The following CDC40 variants were observed in gnomAD, a reference collection of about 807,000 sequenced individuals.
CDC40 encodes pre-mRNA-processing factor 17.
In CDC40, 27 loss-of-function variants were observed where a neutral mutation model predicts 80.6. That is an observed-to-expected ratio of 0.33 (90% CI 0.25 to 0.46). CDC40 has a LOEUF of 0.46. CDC40 is among the 20% of genes least tolerant of loss of function. The pLI is 1.00. For synonymous variants in CDC40, 221 were observed against 232.6 expected (o/e 0.95, Z 0.45); for missense variants, 486 against 694.1 (o/e 0.70, Z 3.37).
intron 8 of CDC40, among the ~76,000 whole-genome samples, chr6:110,214,967 A>G (rs1484786700): frequency 6.6e-6 from 1 of 152,234 alleles, no homozygotes; most frequent in African/African-American, 2.4e-5. Flanking sequence ...TGTATGAAAT[A>G]GAAAAGAACA....
At chr6:110,208,339 C>G (rs184332263) in intron 4 of CDC40, among the ~76,000 whole-genome samples, 21 of 152,178 alleles carry the variant, frequency 1.4e-4, no homozygotes, top group African/African-American at 5.1e-4. Flanking sequence ...CTCTGCAAGT[C>G]CCATCTAAAG....
intron 2 of CDC40, among the ~76,000 whole-genome samples, chr6:110,194,563 C>T (rs1562200623): frequency 6.6e-6 from 1 of 152,156 alleles, no homozygotes; most frequent in South Asian, 2.1e-4. Flanking sequence ...TGCTCTGACA[C>T]GACGGCACAT....
intron 1 of CDC40, among the ~76,000 whole-genome samples, chr6:110,191,688 G>A (rs1226319994): frequency 6.6e-6 from 1 of 152,108 alleles, no homozygotes; most frequent in Non-Finnish European, 1.5e-5. Context: ...ATTGTTCCTT[G>A]GCCTATTCTA....
At chr6:110,181,392 A>G (rs1777188604) in intron 1 of CDC40, among the ~76,000 whole-genome samples, 1 of 152,196 alleles carries the variant, frequency 6.6e-6, no homozygotes, top group Non-Finnish European at 1.5e-5. Flanking sequence ...CTGGAGCCTG[A>G]TGAGAGCATC....
At chr6:110,228,167 C>T (rs940758173) in intron 13 of CDC40, among the ~76,000 whole-genome samples, 2 of 152,102 alleles carry the variant, frequency 1.3e-5, no homozygotes, top group Admixed American at 6.6e-5. Flanking sequence ...AGAAAAGGTA[C>T]AGTAAAATCT....
intron 10 of CDC40, 106 bp downstream of exon 10, chr6:110,217,909 T>G (rs1038631128): frequency 1.7e-6 from 1 of 595,338 alleles, no homozygotes; most frequent in Non-Finnish European, 3.0e-6. Context: ...TAACTGCTGA[T>G]TCTCATACCA....
intron 3 of CDC40, among the ~76,000 whole-genome samples, chr6:110,206,263 G>A (rs935145420): frequency 2.6e-5 from 4 of 152,092 alleles, no homozygotes; most frequent in African/African-American, 4.8e-5. Flanking sequence ...TCAGCCTCCC[G>A]AGTAGCTGGG....
At chr6:110,181,779 G>A (rs1777199502) in intron 1 of CDC40, among the ~76,000 whole-genome samples, 1 of 152,136 alleles carries the variant, frequency 6.6e-6, no homozygotes, top group South Asian at 2.1e-4. Context: ...ACTACTGTCT[G>A]TGAGTGATGT....
At chr6:110,202,539 C>T (rs1327601605) in intron 3 of CDC40, among the ~76,000 whole-genome samples, 1 of 152,162 alleles carries the variant, frequency 6.6e-6, no homozygotes, top group Non-Finnish European at 1.5e-5. Context: ...TAATTTAGTT[C>T]TCTTGTTTCC....
At position 110,207,529 on chromosome 6, in the gene CDC40, G is replaced by T; in HGVS notation, c.430G>T (p.Asp144Tyr). 1 of 1,601,248 alleles carries T rather than the reference G, an allele frequency of 6.2e-7. No individual in the cohort carries two copies. Among genetic ancestry groups the T allele is most frequent in the South Asian group, 1.1e-5 (1 of 90,320 alleles). The change falls in exon 4 of 15, where the codon GAT (aspartate) becomes TAT (tyrosine). Residue 144 changes from aspartate (D) to tyrosine (Y), a missense_variant. By Grantham distance (160) the Asp-to-Tyr change is radical. Around this residue, in one of 3 missense-constraint regions of CDC40, gnomAD observed 381 missense variants for 492.1 expected, o/e 0.77. Transcript: ENST00000307731. The stretch of plus-strand genomic sequence containing the variant: ...AGGTTATGCATTAGACCCTTCATTA[G>T]ATAATCATCAAGTGTCTGCTAAATA... ...TYGYALDPSL[D>Y]NHQVSAKYIG...
chr6:110,223,424 G>C (rs1465408295), intron 12 of CDC40, among the ~76,000 whole-genome samples: 2 of 152,168 alleles, frequency 1.3e-5, no homozygotes, highest in East Asian at 1.9e-4. Context: ...TGATTAGTGA[G>C]AAAGTAATAA....
At chr6:110,189,697 C>T (rs529150964) in intron 1 of CDC40, among the ~76,000 whole-genome samples, 1 of 152,196 alleles carries the variant, frequency 6.6e-6, no homozygotes, top group Non-Finnish European at 1.5e-5. Flanking sequence ...TCTCTCCCTG[C>T]CATCACCTGC....
chr6:110,210,182 T>C (rs1050007911), intron 5 of CDC40, among the ~76,000 whole-genome samples: 1 of 151,946 alleles, frequency 6.6e-6, no homozygotes, highest in Non-Finnish European at 1.5e-5. Context: ...ACTGATTTTA[T>C]ATAGTTGAAA....
Position 110,220,602 on chromosome 6 carries a change from G to A in CDC40, c.1340+733G>A, listed in dbSNP as rs180985756. Among the ~76,000 whole-genome samples the A allele has an allele frequency of 3.5e-3, 533 of 151,942 alleles. 3 individuals are homozygous for A. Among genetic ancestry groups the A allele is most frequent in the African/African-American group, 0.011 (470 of 41,460 alleles). ...TGGGACTACAGGCGCCCGCCACCACGCCCGGCTAATTTTTTGTATTTTTTA... is the reference window on the plus strand; with the variant it reads ...TGGGACTACAGGCGCCCGCCACCACACCCGGCTAATTTTTTGTATTTTTTA... On this transcript the variant is annotated intron_variant, in intron 12 of 14. Transcript: ENST00000307731.
chr6:110,194,217 TAG>T (rs1777388869), intron 2 of CDC40, among the ~76,000 whole-genome samples: 1 of 152,182 alleles, frequency 6.6e-6, no homozygotes, highest in Admixed American at 6.5e-5. Flanking sequence ...ATTGATGAAA[TAG>T]AGATGCCAGA....
chr6:110,213,876 G>A (rs75470710), intron 8 of CDC40, among the ~76,000 whole-genome samples: 3,827 of 152,058 alleles, frequency 0.025, 157 homozygotes, highest in African/African-American at 0.087. Context: ...AAAAAACTCC[G>A]TTGCCAATGC....
chr6:110,210,579 G>C (rs1777625754), intron 5 of CDC40, 128 bp from the exon 6 acceptor site: 3 of 239,626 alleles, frequency 1.3e-5, no homozygotes, highest in Non-Finnish European at 2.5e-5. Context: ...AAAAAGTGTT[G>C]AGCTTGTTAT....
intron 12 of CDC40, among the ~76,000 whole-genome samples, chr6:110,220,596 C>A (rs1399517113): frequency 6.6e-6 from 1 of 152,002 alleles, no homozygotes; most frequent in Non-Finnish European, 1.5e-5. Context: ...AGGCGCCCGC[C>A]ACCACGCCCG....
chr6:110,200,860 C>T (rs1379272906), intron 2 of CDC40, among the ~76,000 whole-genome samples: 1 of 152,136 alleles, frequency 6.6e-6, no homozygotes, highest in East Asian at 1.9e-4. Flanking sequence ...GTATTATAAG[C>T]AAATAATAAT....
Sources: allele counts gnomAD v4.1 joint callset (sites outside exome capture counted in the v4.1 genomes callset), GRCh38; gene constraint gnomAD v4.1.1; regional missense constraint gnomAD v4.1.1; transcripts MANE v1.5; gene names NCBI Gene and HGNC (gene_info 2026-07-23, HGNC 2026-07-21).